Variants in IQCH observed in about 807,000 individuals in gnomAD.
IQCH encodes the protein IQ domain-containing protein H.
In IQCH, 98 loss-of-function variants were observed where a neutral mutation model predicts 117.0. The observed-to-expected ratio is 0.84, with a 90% CI of 0.71 to 0.99. The LOEUF (loss-of-function observed/expected upper bound fraction) is 0.99. Among genes scored for constraint, IQCH ranks in the 50% least tolerant of loss-of-function variants. The probability of loss-of-function intolerance (pLI) is 0.00; values close to 1 mark genes in which losing one functional copy is unlikely to be tolerated. For synonymous variants in IQCH, 412 were observed against 448.2 expected (o/e 0.92, Z 1.02); for missense variants, 1,102 against 1,243.8 (o/e 0.89, Z 1.72).
chr15:67,491,925 C>T lies in IQCH; in HGVS notation c.2861+1861C>T, dbSNP rs56979146. Among the ~76,000 whole-genome samples, 20,879 of 151,968 alleles carry T rather than the reference C, an allele frequency of 0.14. 1,651 individuals carry two copies. The highest frequency in any genetic ancestry group is 0.2 in the East Asian group (1,046 of 5,172). ...CTGCCACTCTAGAGGGGTGGGCATA[C>T]AGTAAACAAGTAAACAGGTAAACGT... On this transcript the variant is annotated intron_variant, in intron 19 of 20. Coordinates refer to ENST00000335894, the MANE Select transcript of IQCH (RefSeq NM_001031715.3). This position sits in a 1 kb window ranked among gnomAD's most constrained non-coding sequence, Gnocchi z 4.9.
At chr15:67,337,720 A>C (rs1005903127) in intron 5 of IQCH, among the ~76,000 whole-genome samples, 1 of 152,208 alleles carries the variant, frequency 6.6e-6, no homozygotes, top group African/African-American at 2.4e-5. Flanking sequence ...AACCATCTCT[A>C]CTGTTCCCTG....
chr15:67,279,932 C>T (rs1042413375), intron 4 of IQCH, among the ~76,000 whole-genome samples: 2 of 151,816 alleles, frequency 1.3e-5, no homozygotes, highest in Admixed American at 6.6e-5. Context: ...AGGAGAATGG[C>T]GTGAACCCGG....
intron 4 of IQCH, among the ~76,000 whole-genome samples, chr15:67,334,196 ATACAAAC>A (rs1382418259): frequency 1.3e-5 from 2 of 152,190 alleles, no homozygotes; most frequent in South Asian, 2.1e-4. Context: ...ATATCATATT[ATACAAAC>A]TACAAAGTGT....
At chr15:67,307,787 T>C (rs1218160811) in intron 4 of IQCH, among the ~76,000 whole-genome samples, 1 of 152,144 alleles carries the variant, frequency 6.6e-6, no homozygotes, top group Non-Finnish European at 1.5e-5. Flanking sequence ...CAGATGACTG[T>C]AGTCAGCATC....
At chr15:67,341,736 A>T (rs533979510) in intron 5 of IQCH, among the ~76,000 whole-genome samples, 32 of 152,328 alleles carry the variant, frequency 2.1e-4, no homozygotes, top group African/African-American at 6.7e-4. Flanking sequence ...TAAGTGAGGG[A>T]GCTAGTAAGA....
chr15:67,453,571 A>G lies in IQCH; in HGVS notation c.2506-11556A>G, dbSNP rs1158315558. On this transcript the variant is annotated intron_variant, in intron 16 of 20. Coordinates refer to ENST00000335894, the MANE Select transcript of IQCH (RefSeq NM_001031715.3). This position sits in a 1 kb window ranked among gnomAD's most constrained non-coding sequence, Gnocchi z 5.8. ...GGTGAACCGCAAATGCTGCTGCCTG[A>G]TCATTCCTCTGCAAGTTTTGTCTCA... 6.6e-6 allele frequency among the ~76,000 whole-genome samples: 1 copy of G among 152,172 alleles called. No homozygotes were observed. Among genetic ancestry groups the G allele is most frequent in the Non-Finnish European group, 1.5e-5 (1 of 68,024 alleles).
At chr15:67,468,514 T>C (rs2082989013) in intron 17 of IQCH, among the ~76,000 whole-genome samples, 1 of 152,244 alleles carries the variant, frequency 6.6e-6, no homozygotes, top group African/African-American at 2.4e-5. Flanking sequence ...ACAAAACCAA[T>C]CACTCATTAG....
At position 67,395,325 on chromosome 15, in the gene IQCH, A is replaced by G; in HGVS notation, c.1667A>G (p.Tyr556Cys). 1.2e-6 allele frequency: 2 copies of G among 1,613,970 alleles called. No individual in the cohort carries two copies. The highest frequency in any genetic ancestry group is 3.3e-4 in the Middle Eastern group (2 of 6,038). ...HHMCLATHLM[Y>C]SPKAIKRIKN... ...ATGTGCCTGGCCACTCACCTGATGTACAGTCCCAAGGCAATCAAAAGAATA... is the reference window on the plus strand; with the variant it reads ...ATGTGCCTGGCCACTCACCTGATGTGCAGTCCCAAGGCAATCAAAAGAATA... The change falls in exon 13 of 21, where the codon TAC becomes TGC. Residue 556 changes from tyrosine to cysteine, a missense_variant. By Grantham distance (194) the Tyr-to-Cys change is radical (BLOSUM62 -2). Transcript: ENST00000335894. This position sits in a 1 kb window ranked among gnomAD's most constrained non-coding sequence, Gnocchi z 4.0.
chr15:67,377,162 T>G (rs1970768628), intron 10 of IQCH, among the ~76,000 whole-genome samples: 3 of 150,806 alleles, frequency 2.0e-5, no homozygotes, highest in South Asian at 4.2e-4. Flanking sequence ...GGAGGACTTA[T>G]GAAACTTGAT....
intron 4 of IQCH, among the ~76,000 whole-genome samples, chr15:67,335,459 A>G (rs1281624538): frequency 6.6e-6 from 1 of 152,136 alleles, no homozygotes; most frequent in Non-Finnish European, 1.5e-5. Context: ...TGTCTCACTG[A>G]CCTTTATATC....
intron 10 of IQCH, among the ~76,000 whole-genome samples, chr15:67,382,541 G>A (rs1970968843): frequency 1.3e-5 from 2 of 152,218 alleles, no homozygotes; most frequent in Admixed American, 6.5e-5. Context: ...GAAAATAAAA[G>A]TGAGAAAAGA....
rs2140976988 is a variant in IQCH at position 67,445,441 on chromosome 15, T to G, written c.2506-19686T>G. Reference sequence around the variant, plus strand: ...CCCAGAGTACCTACCTCATGTCTGGTTTTTTTGTTTGTTTTTGAGATGGAG... The same window carrying G: ...CCCAGAGTACCTACCTCATGTCTGGGTTTTTTGTTTGTTTTTGAGATGGAG... On this transcript the variant is annotated intron_variant, in intron 16 of 20. Coordinates refer to ENST00000335894, the MANE Select transcript of IQCH (RefSeq NM_001031715.3). The surrounding 1 kb of genome is among the most constrained non-coding windows in gnomAD (Gnocchi z 4.3). 6.7e-6 allele frequency among the ~76,000 whole-genome samples: 1 copy of G among 148,376 alleles called. No homozygotes were observed. The highest frequency in any genetic ancestry group is 2.5e-5 in the African/African-American group (1 of 40,660).
At position 67,456,749 on chromosome 15, in the gene IQCH, A is replaced by G. The variant is rs1442330429; in HGVS notation, c.2506-8378A>G. ...AGGAACTCCCAAATATGGATTTTGG[A>G]TTTTTTTCAGAATCCAAAAGTTTTG... On this transcript the variant is annotated intron_variant, in intron 16 of 20. Coordinates refer to ENST00000335894, the MANE Select transcript of IQCH (RefSeq NM_001031715.3). This position sits in a 1 kb window ranked among gnomAD's most constrained non-coding sequence, Gnocchi z 5.1. Among the ~76,000 whole-genome samples the G allele has an allele frequency of 6.6e-6, 1 of 151,720 alleles. No individual in the cohort carries two copies. Among genetic ancestry groups the G allele is most frequent in the East Asian group, 1.9e-4 (1 of 5,166 alleles).
intron 3 of IQCH, among the ~76,000 whole-genome samples, chr15:67,273,132 G>A (rs1223941012): frequency 1.3e-5 from 2 of 152,054 alleles, no homozygotes; most frequent in Non-Finnish European, 2.9e-5. Flanking sequence ...GTGCAGTGTT[G>A]CAATCTCGGC....
intron 14 of IQCH, among the ~76,000 whole-genome samples, chr15:67,415,050 G>T (rs1167767910): frequency 6.6e-6 from 1 of 152,114 alleles, no homozygotes; most frequent in Non-Finnish European, 1.5e-5. Flanking sequence ...TTGATAAAAT[G>T]GAATGGTTTT....
chr15:67,268,775 CAG>C, intron 3 of IQCH, among the ~76,000 whole-genome samples: 1 of 151,988 alleles, frequency 6.6e-6, no homozygotes, highest in Admixed American at 6.5e-5. Flanking sequence ...ATTCTAGTCA[CAG>C]AGAGAGAGGA....
At position 67,281,552 on chromosome 15, in the gene IQCH, C is replaced by T. The variant is rs148607014; in HGVS notation, c.387+2040C>T. On this transcript the variant is annotated intron_variant, in intron 4 of 20. Coordinates refer to ENST00000335894, the MANE Select transcript of IQCH (RefSeq NM_001031715.3). ...AAGATGGCCTTGTGTGTAGATGCAGCCTCCTTCAGAGAGAATAGATGGCAA... is the reference window on the plus strand; with the variant it reads ...AAGATGGCCTTGTGTGTAGATGCAGTCTCCTTCAGAGAGAATAGATGGCAA... The T allele has an allele frequency of 1.8e-3, 612 of 348,408 alleles. 1 individual carries two copies. The highest frequency in any genetic ancestry group is 3.2e-3 in the Middle Eastern group (3 of 936). 21.6% of individuals were successfully genotyped at this position (348,408 alleles called of 1,614,324 possible).
intron 4 of IQCH, among the ~76,000 whole-genome samples, chr15:67,327,977 A>G (rs1439339866): frequency 1.3e-5 from 2 of 152,162 alleles, no homozygotes; most frequent in African/African-American, 2.4e-5. Context: ...TTCTTGAATT[A>G]TAGCCACTCT....
At chr15:67,379,084 A>T (rs1296163332) in intron 10 of IQCH, among the ~76,000 whole-genome samples, 1 of 152,212 alleles carries the variant, frequency 6.6e-6, no homozygotes, top group Non-Finnish European at 1.5e-5. Flanking sequence ...AAACAAAAAA[A>T]AATTTAGTGA....
Sources: gnomAD v4.1 joint callset for allele counts (sites outside exome capture counted in the v4.1 genomes callset) on GRCh38, gnomAD v4.1.1 for gene constraint, Gnocchi (gnomAD v3.1) non-coding constraint, MANE v1.5 for transcripts, NCBI Gene and HGNC (gene_info 2026-07-23, HGNC 2026-07-21) for gene names.